The following DMD variants were observed in gnomAD, a reference collection of about 807,000 sequenced individuals.
DMD encodes mutant dystrophin.
A neutral mutation model predicts 330.1 loss-of-function variants in DMD; 63 were observed. The observed-to-expected ratio is 0.19, with a 90% CI of 0.16 to 0.24. The LOEUF is 0.24. Ranked by LOEUF, DMD falls within the 10% of genes least tolerant of loss-of-function variation. The pLI is 1.00. For synonymous variants in DMD, 1,223 were observed against 959.8 expected, an observed-to-expected ratio of 1.27 and a Z score of -5.07; for missense variants, 3,344 against 2,684.1, an observed-to-expected ratio of 1.25 and a Z score of -5.43.
intron 41 of DMD, among the ~76,000 whole-genome samples, chrX:32,317,006 C>T (rs928450190): frequency 1.8e-5 from 2 of 110,815 alleles, no homozygotes; most frequent in Non-Finnish European, 3.8e-5. Context: ...CAGATTAATC[C>T]TTTTCATTTG....
chrX:32,300,943 T>C (rs2097521047), intron 42 of DMD, among the ~76,000 whole-genome samples: 2 of 111,222 alleles, frequency 1.8e-5, no homozygotes, highest in African/African-American at 3.3e-5. Flanking sequence ...GAGCATCTTA[T>C]TATTTTGATA....
intron 26 of DMD, among the ~76,000 whole-genome samples, chrX:32,452,241 G>A (rs1382176273): frequency 9.9e-6 from 1 of 100,971 alleles, no homozygotes; most frequent in African/African-American, 3.6e-5. Context: ...AAGGAATTGA[G>A]ATACAAGAGA....
chrX:32,448,557 G>T lies in DMD; in HGVS notation c.3685C>A (p.Pro1229Thr), dbSNP rs759503214. Reference protein sequence around the residue: ...ESVNSVIAQAPPVAQEALKKE... With the variant: ...ESVNSVIAQATPVAQEALKKE... ...TTTAAGGCCTCTTGTGCTACAGGTG[G>T]AGCTTGAGCTATGACACTATTTACA... The change falls in exon 27 of 79, where the codon CCA (proline) becomes ACA (threonine). Residue 1229 changes from proline to threonine, a missense_variant. Transcript: ENST00000357033. 1 of 1,208,563 alleles carries T rather than the reference G, an allele frequency of 8.3e-7. No individual in the cohort carries two copies. Among genetic ancestry groups the T allele is most frequent in the South Asian group, 1.8e-5 (1 of 56,934 alleles).
intron 13 of DMD, among the ~76,000 whole-genome samples, chrX:32,575,837 A>T (rs775454644): frequency 8.9e-6 from 1 of 112,130 alleles, no homozygotes; most frequent in Admixed American, 9.5e-5. Context: ...AGTCAAGGGA[A>T]GAAGGGACAA....
intron 9 of DMD, among the ~76,000 whole-genome samples, chrX:32,669,627 C>A: frequency 8.9e-6 from 1 of 111,913 alleles, no homozygotes; most frequent in East Asian, 2.8e-4. Context: ...CTTAACTGAT[C>A]TGTTGATAAT....
intron 43 of DMD, among the ~76,000 whole-genome samples, chrX:32,280,600 A>G (rs1797240919): frequency 9.0e-6 from 1 of 111,484 alleles, no homozygotes. Flanking sequence ...TGTGCTTATC[A>G]TGTATCTTCC....
chrX:32,732,602 A>G (rs1450871465), intron 7 of DMD, among the ~76,000 whole-genome samples: 15 of 111,451 alleles, frequency 1.3e-4, no homozygotes, highest in Admixed American at 1.2e-3. Flanking sequence ...AGTGGGGGCC[A>G]ATATTCAACA....
At chrX:32,190,319 C>T (rs755715381) in intron 44 of DMD, among the ~76,000 whole-genome samples, 4 of 109,275 alleles carry the variant, frequency 3.7e-5, no homozygotes, top group Non-Finnish European at 7.6e-5. Context: ...CACCCATTCA[C>T]TGCTTTCACC....
chrX:31,964,766 T>C lies in DMD; in HGVS notation c.6614+3573A>G, dbSNP rs146765745. On this transcript the variant is annotated intron_variant, in intron 45 of 78. Coordinates refer to ENST00000357033, the MANE Select transcript of DMD (RefSeq NM_004006.3). ...TGTAAATGGGCATATGTTTTGCAAT[T>C]GTTTCAATTTTTCTATATGTTTGAA... Among the ~76,000 whole-genome samples the C allele has an allele frequency of 7.7e-3, 851 of 110,631 alleles. 5 individuals carry two copies. The highest frequency in any genetic ancestry group is 0.027 in the African/African-American group (819 of 30,511).
intron 44 of DMD, among the ~76,000 whole-genome samples, chrX:32,111,513 A>G (rs2096589298): frequency 2.7e-5 from 3 of 112,155 alleles, no homozygotes; most frequent in Non-Finnish European, 3.8e-5. Context: ...TGGCTAGCTG[A>G]TAGCTGCATA....
At position 31,120,901 on chromosome X, in the gene DMD, T is replaced by TACTC. The variant is rs1326491039; in HGVS notation, c.*1014_*1017dup. The TACTC allele has an allele frequency of 4.5e-5, 5 of 110,082 alleles. No homozygotes were observed. Among genetic ancestry groups the TACTC allele is most frequent in the Admixed American group, 1.9e-4 (2 of 10,332 alleles). The allele number at this position is 110,082 out of a possible 1,213,427, so 9.1% of individuals were successfully genotyped here. ...TCAATCAATCAACCAACCAACCGATTACTCACTCTGATATAATAAGTCCTG... is the reference window on the plus strand; with the variant it reads ...TCAATCAATCAACCAACCAACCGATTACTCACTCACTCTGATATAATAAGTCCTG... On this transcript the variant is annotated 3_prime_UTR_variant, in exon 79 of 79. Transcript: ENST00000357033.
intron 55 of DMD, among the ~76,000 whole-genome samples, chrX:31,550,956 G>A (rs923304770): frequency 2.7e-4 from 30 of 111,825 alleles, no homozygotes; most frequent in African/African-American, 9.4e-4. Context: ...CAAGGCGGGC[G>A]GATCACTTGA....
intron 2 of DMD, among the ~76,000 whole-genome samples, chrX:32,965,460 C>T (rs1349159538): frequency 3.0e-5 from 3 of 100,207 alleles, no homozygotes; most frequent in East Asian, 6.5e-4. Context: ...TGCCACTGCA[C>T]TCCAGCCTGG....
intron 43 of DMD, among the ~76,000 whole-genome samples, chrX:32,268,448 G>A (rs2097352782): frequency 8.9e-6 from 1 of 111,753 alleles, no homozygotes; most frequent in Non-Finnish European, 1.9e-5. Context: ...TCTGAGACAA[G>A]TGTTTTATGC....
chrX:32,103,214 T>C (rs954119527), intron 44 of DMD, among the ~76,000 whole-genome samples: 1 of 111,938 alleles, frequency 8.9e-6, no homozygotes, highest in Admixed American at 9.5e-5. Context: ...TCATTATATA[T>C]ATGCTAACGA....
At chrX:33,225,873 C>G (rs1234888730) in intron 1 of DMD, among the ~76,000 whole-genome samples, 1 of 110,220 alleles carries the variant, frequency 9.1e-6, no homozygotes, top group African/African-American at 3.3e-5. Flanking sequence ...AAAGTAAAAA[C>G]AAAATAGACA....
At chrX:33,090,575 C>T (rs1490308385) in intron 1 of DMD, among the ~76,000 whole-genome samples, 1 of 108,943 alleles carries the variant, frequency 9.2e-6, no homozygotes, top group Non-Finnish European at 1.9e-5. Flanking sequence ...CAGAATGGAT[C>T]GGACACTATA....
chrX:32,460,329 A>G (rs2098379170), intron 25 of DMD, among the ~76,000 whole-genome samples: 1 of 110,512 alleles, frequency 9.0e-6, no homozygotes, highest in Admixed American at 9.6e-5. Context: ...TCAGAAAACT[A>G]CAATATCCAC....
At chrX:32,680,461 G>C (rs997104618) in intron 9 of DMD, among the ~76,000 whole-genome samples, 3 of 110,427 alleles carry the variant, frequency 2.7e-5, no homozygotes, top group Non-Finnish European at 5.7e-5. Flanking sequence ...CAAGCCAAAG[G>C]CTGTCTATAA....
Sources: allele counts gnomAD v4.1 joint callset (sites outside exome capture counted in the v4.1 genomes callset), GRCh38; gene constraint gnomAD v4.1.1; transcripts MANE v1.5; gene names NCBI Gene and HGNC (gene_info 2026-07-23, HGNC 2026-07-21).